Variants in FSTL5 observed in about 807,000 individuals in gnomAD.
FSTL5 encodes the protein follistatin like 5.
Under a neutral mutation model 89.1 loss-of-function variants are expected in FSTL5, and 62 were observed. That is an observed-to-expected ratio of 0.70 (90% confidence interval 0.57 to 0.86). The LOEUF is 0.86. Ranked by LOEUF, FSTL5 falls within the 40% of genes least tolerant of loss-of-function variation. FSTL5 has a pLI of 0.00. For synonymous variants in FSTL5, 383 were observed against 346.2 expected (o/e 1.11, Z -1.18); for missense variants, 1,057 against 1,001.6 (o/e 1.06, Z -0.75).
chr4:161,504,629 TC>T (rs1730414086), intron 11 of FSTL5, among the ~76,000 whole-genome samples: 1 of 152,014 alleles, frequency 6.6e-6, no homozygotes, highest in South Asian at 2.1e-4. Context: ...GCTTTTTCTT[TC>T]TATACACAGA....
At chr4:161,456,618 A>G (rs1177929398) in intron 14 of FSTL5, among the ~76,000 whole-genome samples, 1 of 152,140 alleles carries the variant, frequency 6.6e-6, no homozygotes, top group East Asian at 1.9e-4. Flanking sequence ...TGGTTTTGTG[A>G]ATTCAGTTTC....
At position 162,163,674 on chromosome 4, in the gene FSTL5, A is replaced by G. The variant is rs753241983; in HGVS notation, c.-76T>C. The stretch of plus-strand genomic sequence containing the variant: ...ATTCCTAAACGCTGTGGAAATATAA[A>G]TCACAATAAAAAAAAAAAACTCTCA... On this transcript the variant is annotated 5_prime_UTR_variant, in exon 1 of 16. Transcript: ENST00000306100. 1.4e-5 allele frequency: 2 copies of G among 145,792 alleles called. No individual in the cohort carries two copies. Among genetic ancestry groups the G allele is most frequent in the Non-Finnish European group, 3.0e-5 (2 of 66,172 alleles). 9.0% of individuals were successfully genotyped at this position (145,792 alleles called of 1,614,324 possible). A position where few individuals can be genotyped will look rare whatever the true frequency, so the allele number is the denominator to read the frequency against.
chr4:161,454,212 C>G (rs1178103275), intron 15 of FSTL5, among the ~76,000 whole-genome samples: 1 of 152,168 alleles, frequency 6.6e-6, no homozygotes, highest in Non-Finnish European at 1.5e-5. Context: ...GCAGTTTCCA[C>G]ACATCAGAAT....
intron 4 of FSTL5, among the ~76,000 whole-genome samples, chr4:161,908,592 A>G (rs945863327): frequency 6.6e-6 from 1 of 152,106 alleles, no homozygotes; most frequent in African/African-American, 2.4e-5. Flanking sequence ...ATAAACACCA[A>G]TGACCCTACA....
At chr4:161,793,855 T>C (rs1729550412) in intron 4 of FSTL5, among the ~76,000 whole-genome samples, 1 of 152,118 alleles carries the variant, frequency 6.6e-6, no homozygotes, top group African/African-American at 2.4e-5. Flanking sequence ...GTGACCCTCC[T>C]GCCTCGGCTT....
intron 10 of FSTL5, among the ~76,000 whole-genome samples, chr4:161,515,156 C>A (rs1730773736): frequency 2.0e-5 from 3 of 151,886 alleles, no homozygotes; most frequent in East Asian, 1.9e-4. Flanking sequence ...TTAAAAAAAA[C>A]CTCAAATTTA....
At chr4:162,147,350 T>C (rs1733042086) in intron 1 of FSTL5, among the ~76,000 whole-genome samples, 1 of 152,162 alleles carries the variant, frequency 6.6e-6, no homozygotes, top group African/African-American at 2.4e-5. Flanking sequence ...ATAAAAATAC[T>C]ACTTTTCAAA....
chr4:161,904,858 T>TA (rs1733476118), intron 4 of FSTL5, among the ~76,000 whole-genome samples: 6 of 151,974 alleles, frequency 3.9e-5, no homozygotes, highest in Non-Finnish European at 7.4e-5. Context: ...ATTGGTCTTT[T>TA]GTTATAATAT....
chr4:161,967,521 A>C (rs1735363026), intron 3 of FSTL5, among the ~76,000 whole-genome samples: 1 of 152,054 alleles, frequency 6.6e-6, no homozygotes, highest in African/African-American at 2.4e-5. Flanking sequence ...TAGTGCCTAG[A>C]TTTAAGGAAA....
intron 1 of FSTL5, among the ~76,000 whole-genome samples, chr4:162,162,316 GAA>G (rs911611690): frequency 1.6e-4 from 24 of 152,192 alleles, no homozygotes; most frequent in Admixed American, 3.9e-4. Flanking sequence ...TACGCCTGCT[GAA>G]AAGCATAGCT....
chr4:161,456,510 T>A (rs1295739972), intron 14 of FSTL5, among the ~76,000 whole-genome samples: 1 of 152,232 alleles, frequency 6.6e-6, no homozygotes, highest in Non-Finnish European at 1.5e-5. Context: ...TTCTGATCCT[T>A]GAGAACATGC....
intron 3 of FSTL5, among the ~76,000 whole-genome samples, chr4:161,972,435 C>G (rs1735510802): frequency 6.6e-6 from 1 of 152,186 alleles, no homozygotes. Flanking sequence ...ATTCTGATAT[C>G]TGTCTTCTAG....
intron 11 of FSTL5, among the ~76,000 whole-genome samples, chr4:161,503,720 T>C (rs1560927178): frequency 1.3e-5 from 2 of 151,940 alleles, no homozygotes; most frequent in Non-Finnish European, 2.9e-5. Context: ...CCAATATATA[T>C]AGTGTTCAGA....
chr4:161,684,747 C>T (rs1183761590), intron 6 of FSTL5, among the ~76,000 whole-genome samples: 7 of 152,092 alleles, frequency 4.6e-5, no homozygotes, highest in South Asian at 2.1e-4. Context: ...TTCCTTTTGC[C>T]GTGCAAAAGC....
At chr4:161,950,407 G>A (rs1211901052) in intron 3 of FSTL5, among the ~76,000 whole-genome samples, 14 of 152,126 alleles carry the variant, frequency 9.2e-5, no homozygotes, top group Non-Finnish European at 2.1e-4. Context: ...AAGGACTGCA[G>A]TTCAAGATTC....
At chr4:161,652,762 A>T (rs1419580981) in intron 7 of FSTL5, among the ~76,000 whole-genome samples, 1 of 152,174 alleles carries the variant, frequency 6.6e-6, no homozygotes, top group African/African-American at 2.4e-5. Flanking sequence ...ATTAAAATGT[A>T]TTTATGTGTT....
chr4:161,913,260 C>T (rs1199132151), intron 4 of FSTL5, among the ~76,000 whole-genome samples: 1 of 152,116 alleles, frequency 6.6e-6, no homozygotes, highest in Non-Finnish European at 1.5e-5. Context: ...CAGGCCATGC[C>T]AGAGACCTTC....
intron 10 of FSTL5, among the ~76,000 whole-genome samples, chr4:161,526,695 G>A (rs545853877): frequency 6.6e-6 from 1 of 152,120 alleles, no homozygotes; most frequent in Non-Finnish European, 1.5e-5. Flanking sequence ...ACCATTTATT[G>A]AATAGGGAAT....
At chr4:161,817,068 A>G (rs1730346724) in intron 4 of FSTL5, among the ~76,000 whole-genome samples, 1 of 152,180 alleles carries the variant, frequency 6.6e-6, no homozygotes, top group Non-Finnish European at 1.5e-5. Context: ...TATACTAACA[A>G]TGATTAAGTT....
Sources: gnomAD v4.1 joint callset for allele counts (sites outside exome capture counted in the v4.1 genomes callset) on GRCh38, gnomAD v4.1.1 for gene constraint, MANE v1.5 for transcripts, NCBI Gene and HGNC (gene_info 2026-07-23, HGNC 2026-07-21) for gene names.